CPAMD8: variants seen among roughly 807,000 people sequenced by gnomAD.
CPAMD8 encodes the protein C3 and PZP-like alpha-2-macroglobulin domain-containing protein 8.
In CPAMD8, 146 loss-of-function variants were observed where a neutral mutation model predicts 224.7. That is an observed-to-expected ratio of 0.65 (90% CI 0.57 to 0.75). The LOEUF is 0.75. Among genes scored for constraint, CPAMD8 ranks in the 30% least tolerant of loss-of-function variants. The pLI is 0.00. For synonymous variants in CPAMD8, 966 were observed against 1,044.6 expected (o/e 0.92, Z 1.45); for missense variants, 2,301 against 2,537.5 (o/e 0.91, Z 2.00).
intron 23 of CPAMD8, among the ~76,000 whole-genome samples, chr19:16,932,641 C>T (rs2053578721): frequency 6.6e-6 from 1 of 151,378 alleles, no homozygotes; most frequent in South Asian, 2.1e-4. Flanking sequence ...TTTAAAATAA[C>T]CCAATCAGAC....
chr19:16,914,063 G>C (rs1032903920), intron 29 of CPAMD8, among the ~76,000 whole-genome samples: 11 of 152,032 alleles, frequency 7.2e-5, no homozygotes, highest in African/African-American at 2.7e-4. Context: ...ACATTTTGTA[G>C]GGTTCCCTGA....
chr19:16,975,296 T>A lies in CPAMD8; in HGVS notation c.1909-38A>T, dbSNP rs1210509805. 3 of 1,562,204 alleles carry A rather than the reference T, an allele frequency of 1.9e-6. No individual in the cohort carries two copies. The South Asian group carries it at 3.5e-5, about 18-fold the overall frequency. On this transcript the variant is annotated intron_variant, in intron 16 of 41. Transcript: ENST00000443236. ...GGGGACAGAGACTTGTCAGCTGAAG[T>A]TTTCTTTACAACCCAAACTGGCTCC...
intron 13 of CPAMD8, among the ~76,000 whole-genome samples, chr19:16,986,792 A>G (rs930973702): frequency 1.6e-4 from 24 of 152,014 alleles, no homozygotes; most frequent in Non-Finnish European, 1.3e-4. Flanking sequence ...TGCGGCCAGG[A>G]TGCAAACAGC....
intron 18 of CPAMD8, 135 bp downstream of exon 18, chr19:16,970,756 G>A (rs2055031851): frequency 2.4e-6 from 2 of 822,076 alleles, no homozygotes; most frequent in Admixed American, 2.7e-5. Context: ...CAAGAACCAT[G>A]TGAAATAAAT....
intron 7 of CPAMD8, among the ~76,000 whole-genome samples, chr19:17,006,953 G>A (rs892534734): frequency 2.0e-5 from 3 of 152,158 alleles, no homozygotes; most frequent in African/African-American, 7.2e-5. Flanking sequence ...TCTATGTGGC[G>A]CCCAACAAAT....
intron 34 of CPAMD8, 94 bp from the exon 35 acceptor site, chr19:16,902,957 A>G: frequency 1.4e-6 from 1 of 700,612 alleles, no homozygotes; most frequent in Non-Finnish European, 2.4e-6. Flanking sequence ...AGGTGGGAAC[A>G]GCCAGAATTA....
intron 22 of CPAMD8, 143 bp from the exon 23 acceptor site, chr19:16,938,589 G>A (rs1168906671): frequency 4.4e-5 from 26 of 596,442 alleles, no homozygotes; most frequent in Non-Finnish European, 6.5e-5. Context: ...GTATCAGCAC[G>A]GTCACACCAA....
intron 14 of CPAMD8, among the ~76,000 whole-genome samples, chr19:16,977,983 G>A (rs1177722993): frequency 1.3e-5 from 2 of 152,132 alleles, no homozygotes; most frequent in African/African-American, 4.8e-5. Flanking sequence ...ATTATTTGCT[G>A]ACTTGAACCG....
At chr19:16,944,410 C>A (rs1417858215) in intron 22 of CPAMD8, among the ~76,000 whole-genome samples, 1 of 152,188 alleles carries the variant, frequency 6.6e-6, no homozygotes, top group East Asian at 1.9e-4. Flanking sequence ...GGAGGAAAGG[C>A]TCCAGGGAAG....
In CPAMD8 at chr19:16,945,544, C is replaced by T; in HGVS notation, c.2793+5G>A. ...TAAGCACCAGAGATGAGGACACGGC[C>T]TTACCTCAACCATCACACTGCGCCT... On this transcript the variant is annotated splice_donor_5th_base_variant and intron_variant, in intron 22 of 41. Coordinates refer to ENST00000443236, the MANE Select transcript of CPAMD8 (RefSeq NM_015692.5). The T allele has an allele frequency of 3.7e-6, 6 of 1,613,824 alleles. No individual in the cohort carries two copies.
intron 1 of CPAMD8, 135 bp downstream of exon 1, chr19:17,026,416 G>C: frequency 9.9e-7 from 1 of 1,008,124 alleles, no homozygotes; most frequent in Non-Finnish European, 1.3e-6. Context: ...AAGACGATTC[G>C]GGAACAAGAG....
intron 3 of CPAMD8, among the ~76,000 whole-genome samples, chr19:17,012,014 A>C (rs1331285123): frequency 6.6e-6 from 1 of 152,056 alleles, no homozygotes; most frequent in African/African-American, 2.4e-5. Context: ...CCCTTGGCAA[A>C]CTGCCCCAAA....
At chr19:16,992,995 G>A (rs1295045633) in intron 12 of CPAMD8, among the ~76,000 whole-genome samples, 1 of 151,954 alleles carries the variant, frequency 6.6e-6, no homozygotes, top group Non-Finnish European at 1.5e-5. Flanking sequence ...GCACCCGTGA[G>A]GTGGCGGAAA....
chr19:16,923,159 G>A (rs2053238897), intron 26 of CPAMD8, among the ~76,000 whole-genome samples: 1 of 152,220 alleles, frequency 6.6e-6, no homozygotes, highest in African/African-American at 2.4e-5. Context: ...GGGCCACAGG[G>A]CCTCCAAGGC....
chr19:16,932,496 T>TCAGAAAAA (rs1172880386), intron 23 of CPAMD8, among the ~76,000 whole-genome samples: 4 of 151,578 alleles, frequency 2.6e-5, no homozygotes, highest in Non-Finnish European at 5.9e-5. Context: ...TACAAAGAAG[T>TCAGAAAAA]CAGAAAAACA....
chr19:16,904,069 G>C (rs923680395), intron 32 of CPAMD8, among the ~76,000 whole-genome samples, 157 bp downstream of exon 32: 2 of 152,186 alleles, frequency 1.3e-5, no homozygotes, highest in African/African-American at 4.8e-5. Context: ...GGGGGATCCA[G>C]GGGCATCTGT....
At chr19:16,954,015 C>T (rs913673185) in intron 19 of CPAMD8, among the ~76,000 whole-genome samples, 1 of 152,036 alleles carries the variant, frequency 6.6e-6, no homozygotes, top group African/African-American at 2.4e-5. Context: ...AATCCCAGCA[C>T]TTTGGGAGGC....
chr19:16,901,359 T>C, intron 35 of CPAMD8, 62 bp from the exon 36 acceptor site: 13 of 1,128,762 alleles, frequency 1.2e-5, no homozygotes, highest in Non-Finnish European at 1.6e-5. Context: ...GAATTCAAGG[T>C]CCCCTCTCCC....
At chr19:17,009,342 A>C (rs965153729) in intron 5 of CPAMD8, 22 bp from the exon 6 acceptor site, 1 of 1,613,950 alleles carries the variant, frequency 6.2e-7, no homozygotes, top group Non-Finnish European at 8.5e-7. Flanking sequence ...ACACAGATGC[A>C]GTGAGCAAAT....
Sources: allele counts gnomAD v4.1 joint callset (sites outside exome capture counted in the v4.1 genomes callset), GRCh38; gene constraint gnomAD v4.1.1; transcripts MANE v1.5; gene names NCBI Gene and HGNC (gene_info 2026-07-23, HGNC 2026-07-21).